The following ACVR1 variants were observed in gnomAD, a reference collection of about 807,000 sequenced individuals.
ACVR1 encodes the protein activin A receptor type 1, also known as activin receptor type-1.
A neutral mutation model predicts 57.1 loss-of-function variants in ACVR1; 38 were observed. The observed-to-expected ratio is 0.67, with a 90% CI of 0.51 to 0.87. ACVR1 has a LOEUF of 0.87. Ranked by LOEUF, ACVR1 falls within the 40% of genes least tolerant of loss-of-function variation. ACVR1 has a pLI of 0.00. For missense variants in ACVR1, 463 were observed against 638.2 expected (o/e 0.73, Z 2.96); for synonymous variants, 212 against 228.1 (o/e 0.93, Z 0.63).
At chr2:157,769,705 A>C (rs888499212) in intron 7 of ACVR1, among the ~76,000 whole-genome samples, 16 of 152,232 alleles carry the variant, frequency 1.1e-4, no homozygotes, top group African/African-American at 4.8e-5. Flanking sequence ...ACTATTGAAG[A>C]AGCACTCCAG....
At chr2:157,824,393 A>G (rs1177823618) in intron 1 of ACVR1, among the ~76,000 whole-genome samples, 1 of 152,158 alleles carries the variant, frequency 6.6e-6, no homozygotes, top group Admixed American at 6.5e-5. Flanking sequence ...GCTTCAGCCC[A>G]GGAGCTCGAG....
At position 157,804,181 on chromosome 2, in the gene ACVR1, A is replaced by G. The variant is rs142641356; in HGVS notation, c.-7-4681T>C. On this transcript the variant is annotated intron_variant, in intron 2 of 10. Coordinates refer to ENST00000434821, the MANE Select transcript of ACVR1 (RefSeq NM_001111067.4). ...GGAGTTCTTGGACAACACTTCAAGT[A>G]ACTGCCTTAGTCCTTAAATGCTCAG... Among the ~76,000 whole-genome samples, 18 of 152,318 alleles carry G rather than the reference A, an allele frequency of 1.2e-4. 1 individual carries two copies. The East Asian group carries it at 3.1e-3, about 26-fold the overall frequency.
Position 157,766,120 on chromosome 2 carries a change from T to C in ACVR1, c.867A>G (p.Gly289=). The change falls in exon 8 of 11, where the codon GGA becomes GGG. Residue 289 remains glycine (G), a synonymous_variant. Transcript: ENST00000434821. ...LWLITHYHEM[G]SLYDYLQLTT... ...TAAGCTGAAGATAGTCGTACAACGA[T>C]CCCATTTCATGATAATGTGTAATTA... The C allele has an allele frequency of 1.2e-6, 2 of 1,614,136 alleles. No homozygotes were observed. Among genetic ancestry groups the C allele is most frequent in the Non-Finnish European group, 1.7e-6 (2 of 1,179,984 alleles).
intron 9 of ACVR1, among the ~76,000 whole-genome samples, chr2:157,747,761 G>T (rs888735775): frequency 1.3e-5 from 2 of 152,114 alleles, no homozygotes; most frequent in African/African-American, 4.8e-5. Context: ...GTGTGGGGGG[G>T]TGTACATTGT....
At chr2:157,791,687 C>T (rs1686918614) in intron 3 of ACVR1, among the ~76,000 whole-genome samples, 1 of 152,150 alleles carries the variant, frequency 6.6e-6, no homozygotes, top group Admixed American at 6.5e-5. Context: ...GGATGACTAA[C>T]GGTGGTGTTT....
At chr2:157,840,016 G>A (rs1288648594) in intron 1 of ACVR1, among the ~76,000 whole-genome samples, 1 of 152,148 alleles carries the variant, frequency 6.6e-6, no homozygotes, top group African/African-American at 2.4e-5. Flanking sequence ...TGGATTCCAG[G>A]GTGTGACGTG....
Position 157,770,480 on chromosome 2 carries a change from G to T in ACVR1, c.678C>A (p.Ser226Arg). 6.2e-7 allele frequency: 1 copy of T among 1,614,024 alleles called. No homozygotes were observed. Among genetic ancestry groups the T allele is most frequent in the Non-Finnish European group, 8.5e-7 (1 of 1,179,954 alleles). The change falls in exon 7 of 11, where the codon AGC (serine) becomes AGA (arginine). Residue 226 changes from serine to arginine, a missense_variant. This residue lies in a region of ACVR1 where 114 missense variants were observed against 216.2 expected (regional missense o/e 0.53). Coordinates refer to ENST00000434821, the MANE Select transcript of ACVR1 (RefSeq NM_001111067.4). The part of the protein sequence containing the change: ...KGRYGEVWRG[S>R]WQGENVAVKI... ...TCACGGCAACATTCTCCCCTTGCCA[G>T]CTGCCCCTCCACACCTCACCATACC...
chr2:157,869,151 G>GA (rs1253967943), intron 1 of ACVR1, among the ~76,000 whole-genome samples: 52 of 152,278 alleles, frequency 3.4e-4, no homozygotes, highest in Admixed American at 2.5e-3. Flanking sequence ...CATTCTAAAT[G>GA]AATCAGCCCC....
intron 3 of ACVR1, among the ~76,000 whole-genome samples, chr2:157,788,704 A>G (rs1441131): frequency 0.81 from 122,913 of 152,014 alleles, 49,871 homozygotes; most frequent in East Asian, 0.93. Context: ...GGTTTCAGGC[A>G]TCCACCGGGG....
chr2:157,811,281 C>T (rs1250619860), intron 2 of ACVR1, among the ~76,000 whole-genome samples: 3 of 152,272 alleles, frequency 2.0e-5, no homozygotes, highest in East Asian at 1.9e-4. Context: ...AGATGTTACT[C>T]GTTTTCTTAG....
chr2:157,860,432 T>C (rs555473045), intron 1 of ACVR1, among the ~76,000 whole-genome samples: 1 of 152,330 alleles, frequency 6.6e-6, no homozygotes, highest in South Asian at 2.1e-4. Context: ...TATTAACAGC[T>C]GTGAGGCTAC....
At chr2:157,867,222 A>C (rs1205586836) in intron 1 of ACVR1, among the ~76,000 whole-genome samples, 1 of 152,160 alleles carries the variant, frequency 6.6e-6, no homozygotes, top group Non-Finnish European at 1.5e-5. Context: ...CTCATTGCAA[A>C]AGTAATTTAT....
intron 3 of ACVR1, among the ~76,000 whole-genome samples, chr2:157,797,111 A>C (rs1687152256): frequency 6.6e-6 from 1 of 152,228 alleles, no homozygotes; most frequent in African/African-American, 2.4e-5. Flanking sequence ...CTTGTATCTT[A>C]CATTTACAGC....
chr2:157,829,937 G>A (rs189312273), intron 1 of ACVR1, among the ~76,000 whole-genome samples: 12 of 152,300 alleles, frequency 7.9e-5, no homozygotes, highest in African/African-American at 2.9e-4. Context: ...CCAAGAGGCT[G>A]GGCGCAGTGG....
At chr2:157,798,731 T>G (rs1687212781) in intron 3 of ACVR1, among the ~76,000 whole-genome samples, 1 of 152,108 alleles carries the variant, frequency 6.6e-6, no homozygotes, top group Non-Finnish European at 1.5e-5. Flanking sequence ...TTTCACCATG[T>G]TGGCCAGGTT....
chr2:157,808,257 C>CT (rs1210837601), intron 2 of ACVR1, among the ~76,000 whole-genome samples: 1 of 152,166 alleles, frequency 6.6e-6, no homozygotes, highest in Non-Finnish European at 1.5e-5. Flanking sequence ...TGGCTCATGG[C>CT]TACATACTCA....
chr2:157,835,595 C>T (rs546054549), intron 1 of ACVR1, among the ~76,000 whole-genome samples: 209 of 152,190 alleles, frequency 1.4e-3, no homozygotes, highest in African/African-American at 4.8e-3. Flanking sequence ...CTCTGAAAGA[C>T]ATAATGGAAC....
chr2:157,769,753 T>TA (rs1343642476), intron 7 of ACVR1, among the ~76,000 whole-genome samples: 2 of 152,126 alleles, frequency 1.3e-5, no homozygotes, highest in South Asian at 2.1e-4. Flanking sequence ...TAAACACACT[T>TA]AGAGAAACTT....
At chr2:157,759,121 T>C (rs1685547194) in intron 9 of ACVR1, among the ~76,000 whole-genome samples, 1 of 151,620 alleles carries the variant, frequency 6.6e-6, no homozygotes, top group African/African-American at 2.4e-5. Flanking sequence ...CCAAAATTAA[T>C]AGAATAAGAA....
Sources: gnomAD v4.1 joint callset for allele counts (sites outside exome capture counted in the v4.1 genomes callset) on GRCh38, gnomAD v4.1.1 for gene constraint, gnomAD v4.1.1 regional missense constraint, MANE v1.5 for transcripts, NCBI Gene and HGNC (gene_info 2026-07-23, HGNC 2026-07-21) for gene names.